TDRD12: variants seen among roughly 807,000 people sequenced by gnomAD.
The protein encoded by TDRD12 is putative ATP-dependent RNA helicase TDRD12.
In TDRD12, 158 loss-of-function variants were observed where a neutral mutation model predicts 133.5. The ratio of observed to expected loss-of-function variants is 1.18; its 90% CI spans 1.04 to 1.35. The LOEUF (loss-of-function observed/expected upper bound fraction) is 1.35. TDRD12 is among the 40% of genes most tolerant of loss of function. The probability of loss-of-function intolerance (pLI) is 0.00; values close to 1 mark genes in which losing one functional copy is unlikely to be tolerated. For missense variants in TDRD12, 1,443 were observed against 1,321.3 expected (o/e 1.09, Z -1.43); for synonymous variants, 460 against 477.9 (o/e 0.96, Z 0.49).
At chr19:32,753,510 C>CT (rs748218766) in intron 6 of TDRD12, among the ~76,000 whole-genome samples, 1,896 of 148,368 alleles carry the variant, frequency 0.013, 25 homozygotes, top group Middle Eastern at 0.052. Context: ...GCCTCTTATT[C>CT]TTTTTTTTTT....
At position 32,826,530 on chromosome 19, in the gene TDRD12, A is replaced by G. The variant is rs56881637; in HGVS notation, c.982A>G (p.Asn328Asp). The G allele has an allele frequency of 1.5e-3, 1,872 of 1,249,634 alleles. 28 individuals carry two copies. The African/African-American group carries it at 0.026, about 18-fold the overall frequency. 77.4% of individuals were successfully genotyped at this position (1,249,634 alleles called of 1,614,324 possible). A position where few individuals can be genotyped will look rare whatever the true frequency, so the allele number is the denominator to read the frequency against. ...AGATGACTGCCAATGTGTGATTAGAAACGATGAACCTGTAATCACTCTGGC... is the reference window on the plus strand; with the variant it reads ...AGATGACTGCCAATGTGTGATTAGAGACGATGAACCTGTAATCACTCTGGC... The change falls in exon 9 of 10, where the codon AAC becomes GAC. Residue 328 changes from asparagine to aspartate, a missense_variant. By Grantham distance (23) the Asn-to-Asp change is conservative. Transcript: ENST00000637289.
At chr19:32,780,251 C>CT (rs1970723513) in intron 11 of TDRD12, among the ~76,000 whole-genome samples, 1 of 151,766 alleles carries the variant, frequency 6.6e-6, no homozygotes, top group Non-Finnish European at 1.5e-5. Context: ...GCCCAGCTAA[C>CT]TTTTTTGTAT....
chr19:32,751,967 G>A (rs1205410265), intron 6 of TDRD12, among the ~76,000 whole-genome samples: 2 of 151,780 alleles, frequency 1.3e-5, no homozygotes, highest in African/African-American at 2.4e-5. Flanking sequence ...TCTTCTTCCC[G>A]GGTTCAAGTG....
At position 32,812,620 on chromosome 19, in the gene TDRD12, T is replaced by G. The variant is rs371224283; in HGVS notation, c.3049-1064T>G. 6.6e-5 allele frequency among the ~76,000 whole-genome samples: 10 copies of G among 152,336 alleles called. No homozygotes were observed. In the East Asian group the frequency reaches 1.3e-3, roughly 21 times the overall value. ...GGTGCCCTACTGGGTTCTGGGGATG[T>G]AGCCGTCAGCAAGAATGTCACAGTT... On this transcript the variant is annotated intron_variant, in intron 24 of 27. Coordinates refer to ENST00000444215, the Ensembl canonical transcript of TDRD12.
At chr19:32,773,613 G>A (rs1440405831) in intron 10 of TDRD12, 81 bp downstream of exon 10, 10 of 1,287,734 alleles carry the variant, frequency 7.8e-6, no homozygotes, top group African/African-American at 1.5e-5. Flanking sequence ...TGGGGGGATC[G>A]CTTAAGCCCA....
chr19:32,753,830 T>G (rs546330852), intron 6 of TDRD12, among the ~76,000 whole-genome samples: 1 of 152,126 alleles, frequency 6.6e-6, no homozygotes, highest in South Asian at 2.1e-4. Flanking sequence ...CCCTTATTCT[T>G]AATGCCTTTC....
intron 8 of TDRD12, among the ~76,000 whole-genome samples, chr19:32,770,408 CTT>C (rs1491195157): frequency 2.0e-5 from 3 of 152,020 alleles, no homozygotes; most frequent in African/African-American, 7.2e-5. Context: ...CTTTTTTACT[CTT>C]ATATATATTG....
chr19:32,766,065 A>G (rs988130354), intron 8 of TDRD12, among the ~76,000 whole-genome samples: 7 of 152,164 alleles, frequency 4.6e-5, no homozygotes, highest in African/African-American at 1.7e-4. Flanking sequence ...ATATTAGCAT[A>G]GTATATCTTT....
At chr19:32,749,073 A>G (rs1969743033) in intron 5 of TDRD12, among the ~76,000 whole-genome samples, 1 of 152,024 alleles carries the variant, frequency 6.6e-6, no homozygotes, top group Non-Finnish European at 1.5e-5. Context: ...TGGATGGGAA[A>G]CACCTGGGGT....
At chr19:32,719,945 C>A in exon 1 of TDRD12, 2 of 1,198,888 alleles carry the variant, frequency 1.7e-6, no homozygotes, top group Non-Finnish European at 2.4e-6. Context: ...GGGGCCCAGG[C>A]GCTAAAGGTG....
intron 11 of TDRD12, among the ~76,000 whole-genome samples, chr19:32,778,158 GT>G (rs1375743669): frequency 3.9e-5 from 6 of 151,976 alleles, no homozygotes; most frequent in Non-Finnish European, 7.4e-5. Flanking sequence ...GGCCTTGGGG[GT>G]TGGAGCCAGG....
intron 3 of TDRD12, among the ~76,000 whole-genome samples, chr19:32,739,859 T>C (rs1226341150): frequency 3.2e-4 from 42 of 130,918 alleles, no homozygotes; most frequent in Non-Finnish European, 5.2e-4. Context: ...CCTGGTGTGC[T>C]CTCTGCATCT....
intron 10 of TDRD12, among the ~76,000 whole-genome samples, chr19:32,775,842 G>A (rs1448428349): frequency 6.6e-6 from 1 of 152,112 alleles, no homozygotes; most frequent in Non-Finnish European, 1.5e-5. Flanking sequence ...GGGCCCGTGT[G>A]TGCTGAGTAA....
chr19:32,800,432 G>T, intron 17 of TDRD12, 74 bp downstream of exon 17: 1 of 1,172,684 alleles, frequency 8.5e-7, no homozygotes, highest in Non-Finnish European at 1.2e-6. Flanking sequence ...ATGAACACAA[G>T]CAAGTAACTT....
intron 8 of TDRD12, among the ~76,000 whole-genome samples, chr19:32,757,406 C>A (rs2145552196): frequency 6.6e-6 from 1 of 152,216 alleles, no homozygotes; most frequent in Middle Eastern, 3.4e-3. Context: ...CACTGTCTGT[C>A]CCTAGAGTGT....
chr19:32,721,941 T>G (rs1214494271), intron 1 of TDRD12, among the ~76,000 whole-genome samples: 2 of 143,896 alleles, frequency 1.4e-5, no homozygotes, highest in Non-Finnish European at 3.0e-5. Context: ...TGGTCTCCAT[T>G]TCCTGACCTC....
At chr19:32,737,754 G>A (rs1969268130) in intron 2 of TDRD12, among the ~76,000 whole-genome samples, 1 of 152,172 alleles carries the variant, frequency 6.6e-6, no homozygotes, top group African/African-American at 2.4e-5. Context: ...GAATTTGGCA[G>A]TAAACAAAAC....
intron 11 of TDRD12, among the ~76,000 whole-genome samples, chr19:32,788,995 C>T (rs1243011715): frequency 1.1e-4 from 16 of 152,216 alleles, no homozygotes; most frequent in Admixed American, 1.0e-3. Context: ...GCAGCTAGGC[C>T]TACAGCCCCG....
intron 26 of TDRD12, among the ~76,000 whole-genome samples, chr19:32,816,208 C>T (rs913298782): frequency 5.3e-5 from 8 of 152,152 alleles, no homozygotes; most frequent in African/African-American, 9.7e-5. Flanking sequence ...TGACAAATAA[C>T]GCACACACAG....
Sources: gnomAD v4.1 joint callset for allele counts (sites outside exome capture counted in the v4.1 genomes callset) on GRCh38, gnomAD v4.1.1 for gene constraint, MANE v1.5 for transcripts, NCBI Gene and HGNC (gene_info 2026-07-23, HGNC 2026-07-21) for gene names.